CFAP20DC: variants seen among roughly 807,000 people sequenced by gnomAD.
CFAP20DC encodes the protein CFAP20 domain containing.
In CFAP20DC, 84 loss-of-function variants were observed where a neutral mutation model predicts 101.7. That is an observed-to-expected ratio of 0.83 (90% CI 0.69 to 0.99). CFAP20DC has a LOEUF of 0.99. CFAP20DC is among the 50% of genes least tolerant of loss of function. The pLI, the probability that CFAP20DC is intolerant of heterozygous loss-of-function variation, is 0.00. For synonymous variants in CFAP20DC, 359 were observed against 351.2 expected, an observed-to-expected ratio of 1.02 and a Z score of -0.25; for missense variants, 1,007 against 970.3, an observed-to-expected ratio of 1.04 and a Z score of -0.50.
chr3:58,921,816 T>G (rs1231953125), intron 5 of CFAP20DC, among the ~76,000 whole-genome samples: 1 of 152,222 alleles, frequency 6.6e-6, no homozygotes, highest in African/African-American at 2.4e-5. Flanking sequence ...CCAGCTACAC[T>G]TGCATATTTA....
intron 7 of CFAP20DC, among the ~76,000 whole-genome samples, chr3:58,871,662 G>T (rs921125603): frequency 6.6e-6 from 1 of 151,752 alleles, no homozygotes; most frequent in African/African-American, 2.4e-5. Flanking sequence ...CTGAGTAGCT[G>T]GGACTAGAGG....
chr3:59,035,506 G>T (rs1032435188), intron 4 of CFAP20DC, among the ~76,000 whole-genome samples: 4 of 152,034 alleles, frequency 2.6e-5, no homozygotes, highest in Non-Finnish European at 4.4e-5. Context: ...AAGGATAAAG[G>T]GGATTTCACC....
Position 58,892,569 on chromosome 3 carries a change from CTAGA to C in CFAP20DC, c.551-7864_551-7861del, listed in dbSNP as rs1337553693. Among the ~76,000 whole-genome samples the C allele has an allele frequency of 6.6e-6, 1 of 152,088 alleles. No individual in the cohort carries two copies. Among genetic ancestry groups the C allele is most frequent in the Non-Finnish European group, 1.5e-5 (1 of 68,010 alleles). ...TTCAATTCCTTTGTTAATTGTATTC[CTAGA>C]TATTTTATTCTTTTTGTGGCAATTG... is the stretch of plus-strand genomic sequence containing the variant. On this transcript the variant is annotated intron_variant, in intron 6 of 16. Transcript: ENST00000482387. This position sits in a 1 kb window ranked among gnomAD's most constrained non-coding sequence, Gnocchi z 4.0.
chr3:58,948,239 G>T (rs1243773813), intron 4 of CFAP20DC, among the ~76,000 whole-genome samples: 2 of 152,154 alleles, frequency 1.3e-5, no homozygotes, highest in African/African-American at 4.8e-5. Flanking sequence ...CTATTTTCAT[G>T]CCTTTGCTTA....
intron 6 of CFAP20DC, among the ~76,000 whole-genome samples, chr3:58,898,753 C>A (rs2365401): frequency 0.63 from 96,396 of 152,016 alleles, 32,753 homozygotes; most frequent in African/African-American, 0.9. Context: ...CATGTGGAAG[C>A]AACTAGGCAC....
intron 14 of CFAP20DC, among the ~76,000 whole-genome samples, chr3:58,817,253 G>T (rs577520724): frequency 2.6e-5 from 4 of 152,310 alleles, no homozygotes; most frequent in Middle Eastern, 6.8e-3. Context: ...CCAAAGGAAC[G>T]CAGTTCCTCA....
chr3:58,881,372 C>T (rs897389432), intron 7 of CFAP20DC, among the ~76,000 whole-genome samples: 1 of 152,054 alleles, frequency 6.6e-6, no homozygotes, highest in Non-Finnish European at 1.5e-5. Context: ...AGATCTGATT[C>T]TCTGGTTCAT....
intron 15 of CFAP20DC, among the ~76,000 whole-genome samples, chr3:58,756,490 T>C (rs181867308): frequency 4.6e-5 from 7 of 152,278 alleles, no homozygotes; most frequent in East Asian, 1.9e-4. Flanking sequence ...ACGAAAGTCA[T>C]CTGCTTCCTT....
At chr3:58,867,019 T>C (rs2079753586) in intron 10 of CFAP20DC, among the ~76,000 whole-genome samples, 1 of 152,198 alleles carries the variant, frequency 6.6e-6, no homozygotes, top group Non-Finnish European at 1.5e-5. Flanking sequence ...TGAAGTGAGT[T>C]TTCTTTAAAT....
chr3:58,768,160 A>T (rs965598070), intron 15 of CFAP20DC, among the ~76,000 whole-genome samples: 4 of 152,110 alleles, frequency 2.6e-5, no homozygotes, highest in African/African-American at 7.2e-5. Context: ...ACCCAACCTA[A>T]TAAGGGCCAG....
rs548582914 is a variant in CFAP20DC, at chr3:58,899,889, C to T, written c.550+13819G>A. ...CCACTTTCACTCCTCTCCACGAGTG[C>T]TGCAGACCACAGCTGCTTTTAATCA... On this transcript the variant is annotated intron_variant, in intron 6 of 16. Transcript: ENST00000482387. The surrounding 1 kb of genome is among the most constrained non-coding windows in gnomAD (Gnocchi z 5.0). Among the ~76,000 whole-genome samples the T allele has an allele frequency of 4.3e-4, 65 of 152,312 alleles. No homozygotes were observed. Among genetic ancestry groups the T allele is most frequent in the African/African-American group, 1.5e-3 (64 of 41,576 alleles).
chr3:58,773,500 G>A (rs1163252095), intron 15 of CFAP20DC, among the ~76,000 whole-genome samples: 2 of 152,092 alleles, frequency 1.3e-5, no homozygotes, highest in Admixed American at 6.5e-5. Flanking sequence ...AGGCTATAGT[G>A]AGGTATGATT....
chr3:58,929,312 T>C (rs1258198923), intron 5 of CFAP20DC, among the ~76,000 whole-genome samples: 1 of 152,190 alleles, frequency 6.6e-6, no homozygotes, highest in African/African-American at 2.4e-5. Flanking sequence ...CAGAGTTAGT[T>C]AACTGACAAG....
At chr3:58,828,685 A>AC (rs1416982392) in intron 14 of CFAP20DC, among the ~76,000 whole-genome samples, 7 of 152,144 alleles carry the variant, frequency 4.6e-5, no homozygotes, top group African/African-American at 1.7e-4. Context: ...TTGAAAAAGT[A>AC]ACTATTGGGT....
In CFAP20DC at chr3:58,862,494, A is replaced by G. The variant is rs2079333820; in HGVS notation, c.1593+1064T>C. 12 of 985,330 alleles carry G rather than the reference A, an allele frequency of 1.2e-5. No individual in the cohort carries two copies. In the South Asian group the frequency reaches 5.2e-4, roughly 42 times the overall value. 61.0% of individuals were successfully genotyped at this position (985,330 alleles called of 1,614,324 possible). On this transcript the variant is annotated intron_variant, in intron 12 of 16. Coordinates refer to ENST00000482387, the MANE Select transcript of CFAP20DC (RefSeq NM_001394063.1). ...TGACTAATTGTTTCATGACACTCAG[A>G]AGCAAGAATATTGTGAAAAGACGAT...
chr3:58,743,397 G>A (rs983930810), intron 16 of CFAP20DC, among the ~76,000 whole-genome samples: 4 of 152,184 alleles, frequency 2.6e-5, no homozygotes, highest in African/African-American at 9.7e-5. Context: ...TTCATGTAAT[G>A]AGTTCAGGGA....
intron 14 of CFAP20DC, among the ~76,000 whole-genome samples, chr3:58,829,018 A>G (rs368530212): frequency 2.6e-4 from 39 of 152,282 alleles, no homozygotes; most frequent in African/African-American, 8.9e-4. Context: ...ATGGATGTTG[A>G]CATTATTCAC....
chr3:58,737,788 C>G (rs1381530801), downstream of CFAP20DC, among the ~76,000 whole-genome samples: 1 of 152,086 alleles, frequency 6.6e-6, no homozygotes, highest in African/African-American at 2.4e-5. This position sits in a 1 kb window ranked among gnomAD's most constrained non-coding sequence, Gnocchi z 4.1. Context: ...GTGCATGGAG[C>G]AAAAGAAACG....
chr3:58,723,025 G>A (rs2067494470), intron 3 of CFAP20DC, among the ~76,000 whole-genome samples: 1 of 152,180 alleles, frequency 6.6e-6, no homozygotes, highest in African/African-American at 2.4e-5. Context: ...CTGATCACCC[G>A]AAATACTAGT....
Sources: gnomAD v4.1 joint callset for allele counts (sites outside exome capture counted in the v4.1 genomes callset) on GRCh38, gnomAD v4.1.1 for gene constraint, Gnocchi (gnomAD v3.1) non-coding constraint, MANE v1.5 for transcripts, NCBI Gene and HGNC (gene_info 2026-07-23, HGNC 2026-07-21) for gene names.